SLC43A2: variants seen among roughly 807,000 people sequenced by gnomAD.
The protein encoded by SLC43A2 is solute carrier family 43 member 2.
A neutral mutation model predicts 63.2 loss-of-function variants in SLC43A2; 38 were observed. The observed-to-expected ratio is 0.60, with a 90% CI of 0.46 to 0.79. The LOEUF is 0.79. Among genes scored for constraint, SLC43A2 ranks in the 30% least tolerant of loss-of-function variants. The probability of loss-of-function intolerance (pLI) is 0.00; values close to 1 mark genes in which losing one functional copy is unlikely to be tolerated. For missense variants in SLC43A2, 644 were observed against 756.2 expected (o/e 0.85, Z 1.74); for synonymous variants, 322 against 331.0 (o/e 0.97, Z 0.30).
intron 5 of SLC43A2, among the ~76,000 whole-genome samples, chr17:1,597,440 G>T (rs1159271579): frequency 6.6e-6 from 1 of 151,128 alleles, no homozygotes. Flanking sequence ...GGGTGGTGGA[G>T]GTTGCAGTGA....
chr17:1,615,704 G>A lies in SLC43A2; in HGVS notation c.369-670C>T, dbSNP rs559714277. Among the ~76,000 whole-genome samples the A allele has an allele frequency of 9.5e-4, 142 of 148,970 alleles. 1 individual carries two copies. The highest frequency in any genetic ancestry group is 2.6e-3 in the African/African-American group (105 of 40,980). Reference sequence around the variant, plus strand: ...TAAAAATACAAAAAATTAGCCGGGCGTGGTGGCAGGCGCCTGTGGTCCCAG... The same window carrying A: ...TAAAAATACAAAAAATTAGCCGGGCATGGTGGCAGGCGCCTGTGGTCCCAG... On this transcript the variant is annotated intron_variant, in intron 3 of 13. Transcript: ENST00000301335.
At position 1,578,827 on chromosome 17, in the gene SLC43A2, C is replaced by G. The variant is rs2075971048; in HGVS notation, c.1351-504G>C. 1 of 150,686 alleles carries G rather than the reference C, an allele frequency of 6.6e-6. No homozygotes were observed. Among genetic ancestry groups the G allele is most frequent in the Admixed American group, 6.6e-5 (1 of 15,100 alleles). The allele number at this position is 150,686 out of a possible 1,614,324, so 9.3% of individuals were successfully genotyped here. ...ACAGGCATGAGCCACTGCGCCCAGC[C>G]TAACCGAGTCATTATTAAAAATTAA... On this transcript the variant is annotated intron_variant, in intron 11 of 13. Coordinates refer to ENST00000301335, the MANE Select transcript of SLC43A2 (RefSeq NM_152346.3). The surrounding 1 kb of genome is among the most constrained non-coding windows in gnomAD (Gnocchi z 6.5).
rs554409394 is a variant in SLC43A2, at chr17:1,621,691, C to T, written c.161-4922G>A. Among the ~76,000 whole-genome samples, 117 of 152,308 alleles carry T rather than the reference C, an allele frequency of 7.7e-4. 5 individuals carry two copies. In the South Asian group the frequency reaches 0.024, roughly 31 times the overall value. Reference sequence around the variant, plus strand: ...GCCCACGCCCACCCCATATTCCCCACGAGGATACTGTCAGAGTGTCCCCGA... The same window carrying T: ...GCCCACGCCCACCCCATATTCCCCATGAGGATACTGTCAGAGTGTCCCCGA... On this transcript the variant is annotated intron_variant, in intron 2 of 13. Transcript: ENST00000301335.
Position 1,591,479 on chromosome 17 carries a change from C to T in SLC43A2, c.729-8G>A, listed in dbSNP as rs1490138499. 4.3e-6 allele frequency: 7 copies of T among 1,612,762 alleles called. No homozygotes were observed. The Admixed American group carries it at 1.0e-4, about 23-fold the overall frequency. On this transcript the variant is annotated splice_polypyrimidine_tract_variant and splice_region_variant and intron_variant, in intron 7 of 13. Transcript: ENST00000301335. ...CTGAACTTGATCTTCACCCTGGGGC[C>T]CCGGGAGAGTGTCTGTGGGTGCTGC...
chr17:1,615,533 G>GAA (rs113237456), intron 3 of SLC43A2, among the ~76,000 whole-genome samples: 3 of 113,216 alleles, frequency 2.6e-5, no homozygotes, highest in African/African-American at 6.4e-5. Context: ...AACTCAAAAG[G>GAA]AAAAAAAAAA....
At chr17:1,580,552 GGTTT>G (rs1343640474) in intron 11 of SLC43A2, among the ~76,000 whole-genome samples, 5 of 152,022 alleles carry the variant, frequency 3.3e-5, no homozygotes, top group Non-Finnish European at 7.4e-5. Flanking sequence ...TTCTTTTTGT[GGTTT>G]GTTCTGTTTT....
chr17:1,593,336 G>A lies in SLC43A2; in HGVS notation c.502-57C>T. 6.6e-7 allele frequency: 1 copy of A among 1,523,542 alleles called. No homozygotes were observed. The highest frequency in any genetic ancestry group is 9.0e-7 in the Non-Finnish European group (1 of 1,106,456). The allele number at this position is 1,523,542 out of a possible 1,614,324, so 94.4% of individuals were successfully genotyped here. On this transcript the variant is annotated intron_variant, in intron 5 of 13. Coordinates refer to ENST00000301335, the MANE Select transcript of SLC43A2 (RefSeq NM_152346.3). The surrounding 1 kb of genome is among the most constrained non-coding windows in gnomAD (Gnocchi z 5.3). ...GGGAGGATGCACCAGGGAAGGGGAG[G>A]AGGAGGGGACAGAGAACTAGGCCCC...
rs974645981 is a variant in SLC43A2 at position 1,605,154 on chromosome 17, C to T, written c.501+8041G>A. The stretch of plus-strand genomic sequence containing the variant: ...CCCCCTCGCCGCCTCTGCCTCCGTG[C>T]GGGTCAACCTGTCCTGCCAGCCCGG... On this transcript the variant is annotated intron_variant, in intron 5 of 13. Transcript: ENST00000301335. The surrounding 1 kb of genome is among the most constrained non-coding windows in gnomAD (Gnocchi z 4.9). 5.1e-5 allele frequency: 64 copies of T among 1,248,592 alleles called. No homozygotes were observed. The highest frequency in any genetic ancestry group is 5.7e-5 in the Non-Finnish European group (56 of 984,958). 77.3% of individuals were successfully genotyped at this position (1,248,592 alleles called of 1,614,324 possible). A position where few individuals can be genotyped will look rare whatever the true frequency, so the allele number is the denominator to read the frequency against.
rs1280399485 is a variant in SLC43A2, at chr17:1,616,774, G to A, written c.161-5C>T. The A allele has an allele frequency of 6.2e-7, 1 of 1,613,372 alleles. No homozygotes were observed. Among genetic ancestry groups the A allele is most frequent in the Non-Finnish European group, 8.5e-7 (1 of 1,179,998 alleles). ...CTGTGCCATTGGTGACATTCTCTGTGTGAAGAGGGAAGGAAACCCTGACCT... is the reference window on the plus strand; with the variant it reads ...CTGTGCCATTGGTGACATTCTCTGTATGAAGAGGGAAGGAAACCCTGACCT... On this transcript the variant is annotated splice_region_variant and splice_polypyrimidine_tract_variant and intron_variant, in intron 2 of 13. Coordinates refer to ENST00000301335, the MANE Select transcript of SLC43A2 (RefSeq NM_152346.3).
intron 9 of SLC43A2, among the ~76,000 whole-genome samples, chr17:1,588,397 G>C (rs1311818823): frequency 2.0e-5 from 3 of 151,166 alleles, no homozygotes; most frequent in African/African-American, 4.9e-5. Context: ...AAAAAAAAAA[G>C]ACTGTATTTT....
chr17:1,584,966 G>A (rs1434441734), intron 10 of SLC43A2, among the ~76,000 whole-genome samples: 1 of 152,156 alleles, frequency 6.6e-6, no homozygotes, highest in Middle Eastern at 3.2e-3. Flanking sequence ...TATGTTTATA[G>A]CAACTCACTA....
Position 1,624,021 on chromosome 17 carries a change from C to A in SLC43A2, c.160+3694G>T, listed in dbSNP as rs866308696. Among the ~76,000 whole-genome samples the A allele has an allele frequency of 3.3e-5, 5 of 152,252 alleles. No homozygotes were observed. The South Asian group carries it at 1.0e-3, about 31-fold the overall frequency. The stretch of plus-strand genomic sequence containing the variant: ...CGCCCTGCTTTCTTGGGGGCCCGAC[C>A]ACCCCCTGGAATTATACGGGTTACA... On this transcript the variant is annotated intron_variant, in intron 2 of 13. Coordinates refer to ENST00000301335, the MANE Select transcript of SLC43A2 (RefSeq NM_152346.3).
intron 5 of SLC43A2, among the ~76,000 whole-genome samples, chr17:1,611,103 C>T (rs548065323): frequency 1.3e-5 from 2 of 152,200 alleles, no homozygotes; most frequent in African/African-American, 2.4e-5. Flanking sequence ...ATCGGCCTCC[C>T]GGAGTGCTGG....
intron 11 of SLC43A2, among the ~76,000 whole-genome samples, chr17:1,582,237 G>A (rs2076030431): frequency 6.6e-6 from 1 of 152,062 alleles, no homozygotes; most frequent in African/African-American, 2.4e-5. Context: ...GTGCCACCAT[G>A]CCCAGCTAAC....
At chr17:1,600,275 C>T (rs1221930628) in intron 5 of SLC43A2, among the ~76,000 whole-genome samples, 2 of 144,970 alleles carry the variant, frequency 1.4e-5, no homozygotes, top group East Asian at 2.1e-4. Context: ...CTCAGCCTCC[C>T]GAGTAGCCAG....
At position 1,577,526 on chromosome 17, in the gene SLC43A2, T is replaced by C. The variant is rs1427131183; in HGVS notation, c.1424+724A>G. On this transcript the variant is annotated intron_variant, in intron 12 of 13. Transcript: ENST00000301335. The surrounding 1 kb of genome is among the most constrained non-coding windows in gnomAD (Gnocchi z 4.9). ...ATTACCCCAGGGGCTGTTGCGGGAATTGGGAGAGAGTTCCGGGCTAAATCT... is the reference window on the plus strand; with the variant it reads ...ATTACCCCAGGGGCTGTTGCGGGAACTGGGAGAGAGTTCCGGGCTAAATCT... Among the ~76,000 whole-genome samples, 1 of 152,068 alleles carries C rather than the reference T, an allele frequency of 6.6e-6. No homozygotes were observed. Among genetic ancestry groups the C allele is most frequent in the Non-Finnish European group, 1.5e-5 (1 of 67,998 alleles).
In SLC43A2 at chr17:1,605,909, G is replaced by A. The variant is rs939834592; in HGVS notation, c.501+7286C>T. Among the ~76,000 whole-genome samples the A allele has an allele frequency of 1.3e-5, 2 of 152,144 alleles. No homozygotes were observed. The highest frequency in any genetic ancestry group is 2.4e-5 in the African/African-American group (1 of 41,424). ...CCCCGGCCACCTCCTGTGCCTTCCC[G>A]GCCGGGTCCAGTCCTGCCAATACCG... is the stretch of plus-strand genomic sequence containing the variant. On this transcript the variant is annotated intron_variant, in intron 5 of 13. Transcript: ENST00000301335. The surrounding 1 kb of genome is among the most constrained non-coding windows in gnomAD (Gnocchi z 4.9).
intron 2 of SLC43A2, among the ~76,000 whole-genome samples, chr17:1,622,661 C>T (rs1421229389): frequency 6.6e-6 from 1 of 152,112 alleles, no homozygotes; most frequent in Non-Finnish European, 1.5e-5. Flanking sequence ...CGCCTGTAAT[C>T]CCAGCACTTT....
chr17:1,626,090 C>A (rs560291338), intron 2 of SLC43A2, among the ~76,000 whole-genome samples: 39 of 149,738 alleles, frequency 2.6e-4, no homozygotes, highest in African/African-American at 6.1e-4. Context: ...AAAAAACACA[C>A]AAAAAAACAC....
Sources: gnomAD v4.1 joint callset for allele counts (sites outside exome capture counted in the v4.1 genomes callset) on GRCh38, gnomAD v4.1.1 for gene constraint, Gnocchi (gnomAD v3.1) non-coding constraint, MANE v1.5 for transcripts, NCBI Gene and HGNC (gene_info 2026-07-23, HGNC 2026-07-21) for gene names.